Variants in SH2B2 observed in about 807,000 individuals in gnomAD.
SH2B2 encodes the protein SH2B adapter protein 2.
SH2B2 carries 37 observed loss-of-function variants against 35.7 expected under a neutral mutation model. That is an observed-to-expected ratio of 1.04 (90% CI 0.80 to 1.36). SH2B2 has a LOEUF of 1.36. Ranked by LOEUF, SH2B2 falls within the 40% of genes most tolerant of loss-of-function variation. SH2B2 has a pLI of 0.00. For synonymous variants in SH2B2, 383 were observed against 376.4 expected, an observed-to-expected ratio of 1.02 and a Z score of -0.20; for missense variants, 852 against 817.7, an observed-to-expected ratio of 1.04 and a Z score of -0.51.
In SH2B2 at chr7:102,310,458, G is replaced by T. The variant is rs1793577332; in HGVS notation, c.923+1552G>T. Among the ~76,000 whole-genome samples, 3 of 152,308 alleles carry T rather than the reference G, an allele frequency of 2.0e-5. No individual in the cohort carries two copies. In the South Asian group the frequency reaches 6.2e-4, roughly 32 times the overall value. ...AACGGGTAGGTCAGGGACAATGGGA[G>T]CCATGGCAGGTAATAGGCAGAGGGC... is the stretch of plus-strand genomic sequence containing the variant. On this transcript the variant is annotated intron_variant, in intron 4 of 8. Transcript: ENST00000444095.
chr7:102,312,585 TG>T (rs1346953232), intron 4 of SH2B2, among the ~76,000 whole-genome samples: 1 of 152,212 alleles, frequency 6.6e-6, no homozygotes, highest in Non-Finnish European at 1.5e-5. Flanking sequence ...CTATCTTGAA[TG>T]GGGGTCTTAT....
At position 102,300,805 on chromosome 7, in the gene SH2B2, G is replaced by A; in HGVS notation, c.255G>A (p.Pro85=). 1 of 1,493,376 alleles carries A rather than the reference G, an allele frequency of 6.7e-7. No homozygotes were observed. Among genetic ancestry groups the A allele is most frequent in the Non-Finnish European group, 9.0e-7 (1 of 1,117,062 alleles). 92.5% of individuals were successfully genotyped at this position (1,493,376 alleles called of 1,614,324 possible). A position where few individuals can be genotyped will look rare whatever the true frequency, so the allele number is the denominator to read the frequency against. Residue 85 remains proline (P), a synonymous_variant, in exon 2 of 9, where the codon CCG becomes CCA. Transcript: ENST00000444095. The stretch of plus-strand genomic sequence containing the variant: ...TGCGCCGCGTGCTGGTGGCTGGGCC[G>A]ACGACTCGGGGCGCGGCCGTGAGCG... ...EEVRRVLVAG[P]TTRGAAVSAE...
At chr7:102,293,001 G>A (rs1792735767) in intron 1 of SH2B2, 1 of 152,978 alleles carries the variant, frequency 6.5e-6, no homozygotes, top group Non-Finnish European at 1.5e-5. Context: ...ATGGTGCTGG[G>A]GAGGAGGTGG....
intron 4 of SH2B2, among the ~76,000 whole-genome samples, chr7:102,310,578 C>T (rs899258920): frequency 7.2e-5 from 11 of 152,116 alleles, no homozygotes; most frequent in African/African-American, 1.2e-4. Context: ...ATAGGCAGCC[C>T]GACAGGCTGA....
At position 102,308,907 on chromosome 7, in the gene SH2B2, G is replaced by C. The variant is rs1554555418; in HGVS notation, c.923+1G>C. 6.2e-7 allele frequency: 1 copy of C among 1,612,678 alleles called. No individual in the cohort carries two copies. Among genetic ancestry groups the C allele is most frequent in the Non-Finnish European group, 8.5e-7 (1 of 1,179,152 alleles). Reference sequence around the variant, plus strand: ...ACATCCAGGGCTGCGTGGACCCCGGGTGAGTGTCCAAGTGGCCCGAAGATG... The same window carrying C: ...ACATCCAGGGCTGCGTGGACCCCGGCTGAGTGTCCAAGTGGCCCGAAGATG... On this transcript the variant is annotated splice_donor_variant, in intron 4 of 8. Transcript: ENST00000444095. LOFTEE classifies it high-confidence loss of function.
chr7:102,293,538 T>TG (rs1269611612), intron 1 of SH2B2, among the ~76,000 whole-genome samples: 14 of 133,980 alleles, frequency 1.0e-4, no homozygotes, highest in African/African-American at 3.1e-4. Context: ...AAACCGGAGG[T>TG]GGGGGGGTGT....
Position 102,317,287 on chromosome 7 carries a change from A to C in SH2B2, c.1287A>C (p.Gln429His). The C allele has an allele frequency of 6.2e-7, 1 of 1,613,748 alleles. No individual in the cohort carries two copies. The change falls in exon 7 of 9, where the codon CAA (glutamine) becomes CAC (histidine). Residue 429 changes from glutamine (Q) to histidine (H), a missense_variant. Physicochemically the swap from Gln to His is conservative, Grantham distance 24 (BLOSUM62 0). Transcript: ENST00000444095. ...HGTLSRVKAAQLVLAGGPRNH... is the reference protein window; with the variant it reads ...HGTLSRVKAAHLVLAGGPRNH... ...CACTGTCCCGGGTCAAGGCTGCTCA[A>C]CTGGTTCTGGCAGGGGGGCCCCGGA...
At chr7:102,291,919 G>A (rs1792687839) in intron 1 of SH2B2, among the ~76,000 whole-genome samples, 1 of 152,204 alleles carries the variant, frequency 6.6e-6, no homozygotes, top group Non-Finnish European at 1.5e-5. Flanking sequence ...GCCCAGGGAG[G>A]GGTGCAGAGA....
Position 102,317,254 on chromosome 7 carries a change from C to G in SH2B2, c.1254C>G (p.Phe418Leu). 1 of 1,613,460 alleles carries G rather than the reference C, an allele frequency of 6.2e-7. No individual in the cohort carries two copies. Among genetic ancestry groups the G allele is most frequent in the Non-Finnish European group, 8.5e-7 (1 of 1,179,654 alleles). The change falls in exon 7 of 9, where the codon TTC (phenylalanine) becomes TTG (leucine). Residue 418 changes from phenylalanine to leucine, a missense_variant. Around this residue, in one of 3 missense-constraint regions of SH2B2, gnomAD observed 556 missense variants for 514.5 expected, o/e 1.08. Coordinates refer to ENST00000444095, the MANE Select transcript of SH2B2 (RefSeq NM_001359228.2). ...TGGAGCTATCCGACTACCCATGGTT[C>G]CACGGGACACTGTCCCGGGTCAAGG... ...PELELSDYPWFHGTLSRVKAA... is the reference protein window; with the variant it reads ...PELELSDYPWLHGTLSRVKAA...
At chr7:102,316,390 C>T (rs1360153820) in intron 6 of SH2B2, among the ~76,000 whole-genome samples, 4 of 151,180 alleles carry the variant, frequency 2.6e-5, no homozygotes, top group Admixed American at 6.6e-5. Context: ...GAGTTAAGAC[C>T]GGCCTGAGCA....
chr7:102,304,421 AGGGAAACCACTG>A (rs560082353), intron 2 of SH2B2, among the ~76,000 whole-genome samples: 125 of 152,308 alleles, frequency 8.2e-4, no homozygotes, highest in African/African-American at 2.9e-3. Flanking sequence ...CCCCGCCATT[AGGGAAACCACTG>A]GGAAACCTGG....
intron 3 of SH2B2, among the ~76,000 whole-genome samples, chr7:102,307,330 G>T (rs1563559714): frequency 6.6e-6 from 1 of 152,320 alleles, no homozygotes; most frequent in East Asian, 1.9e-4. Flanking sequence ...TGGCCTGCAG[G>T]GGTTTCTGAG....
chr7:102,293,597 C>CAGCA (rs1443598468), intron 1 of SH2B2, among the ~76,000 whole-genome samples: 1 of 152,014 alleles, frequency 6.6e-6, no homozygotes, highest in African/African-American at 2.4e-5. Flanking sequence ...CGAGGAGGGC[C>CAGCA]AGCACCACAG....
chr7:102,292,136 G>A (rs1380433615), intron 1 of SH2B2, among the ~76,000 whole-genome samples: 2 of 152,110 alleles, frequency 1.3e-5, no homozygotes, highest in African/African-American at 2.4e-5. Context: ...AGCAGAGTGA[G>A]GCCTTGTCTC....
chr7:102,309,221 A>C, intron 4 of SH2B2: 2 of 524,126 alleles, frequency 3.8e-6, no homozygotes, highest in Non-Finnish European at 3.7e-6. Context: ...TGAGTCCCCA[A>C]AGGGCTGGGG....
chr7:102,290,516 C>G (rs1207468533), intron 1 of SH2B2, among the ~76,000 whole-genome samples: 1 of 152,122 alleles, frequency 6.6e-6, no homozygotes, highest in Non-Finnish European at 1.5e-5. Flanking sequence ...CCGCCCTCCT[C>G]GGCCTCCCAA....
chr7:102,300,488 C>A, intron 1 of SH2B2, 34 bp from the exon 2 acceptor site: 1 of 1,499,158 alleles, frequency 6.7e-7, no homozygotes, highest in Non-Finnish European at 8.9e-7. Context: ...TGATCACAGG[C>A]CTGAAAGTCA....
chr7:102,314,692 G>C lies in SH2B2; in HGVS notation c.1186+10G>C. On this transcript the variant is annotated intron_variant, in intron 6 of 8. Transcript: ENST00000444095. ...GACAGCAATAACACAGGTGCCAGTG[G>C]GGACAGCCTGCTCTTCCCATCCCAC... 2.5e-6 allele frequency: 1 copy of C among 398,686 alleles called. No individual in the cohort carries two copies. Among genetic ancestry groups the C allele is most frequent in the Non-Finnish European group, 4.4e-6 (1 of 226,178 alleles). 24.7% of individuals were successfully genotyped at this position (398,686 alleles called of 1,614,324 possible). A position where few individuals can be genotyped will look rare whatever the true frequency, so the allele number is the denominator to read the frequency against.
At chr7:102,303,707 C>T (rs1296804902) in intron 2 of SH2B2, among the ~76,000 whole-genome samples, 1 of 152,216 alleles carries the variant, frequency 6.6e-6, no homozygotes, top group Non-Finnish European at 1.5e-5. Flanking sequence ...AACCGAGGCC[C>T]AGTGACGGGT....
Sources: allele counts gnomAD v4.1 joint callset (sites outside exome capture counted in the v4.1 genomes callset), GRCh38; gene constraint gnomAD v4.1.1; regional missense constraint gnomAD v4.1.1; transcripts MANE v1.5; gene names NCBI Gene and HGNC (gene_info 2026-07-23, HGNC 2026-07-21).